INTS6L: variants seen among roughly 807,000 people sequenced by gnomAD.
The protein encoded by INTS6L is integrator complex subunit 6-like.
A neutral mutation model predicts 64.7 loss-of-function variants in INTS6L; 18 were observed. That is an observed-to-expected ratio of 0.28 (90% CI 0.19 to 0.41). The LOEUF (loss-of-function observed/expected upper bound fraction) is 0.41, where lower values mean the gene tolerates loss of function less well. INTS6L is among the 10% of genes least tolerant of loss of function. The pLI is 1.00. For synonymous variants in INTS6L, 227 were observed against 235.9 expected (o/e 0.96, Z 0.34); for missense variants, 533 against 661.0 (o/e 0.81, Z 2.12).
chrX:135,572,317 T>C (rs1186307968), intron 11 of INTS6L: 1 of 112,825 alleles, frequency 8.9e-6, no homozygotes, highest in Non-Finnish European at 1.9e-5. Context: ...TAGTCAAATA[T>C]AAGAGATAAA....
At chrX:135,549,962 T>C (rs2086457220) in intron 7 of INTS6L, among the ~76,000 whole-genome samples, 157 bp downstream of exon 7, 1 of 113,000 alleles carries the variant, frequency 8.8e-6, no homozygotes, top group Non-Finnish European at 1.9e-5. Context: ...AGTCTAGCTT[T>C]GTGCCTAAAA....
intron 7 of INTS6L, among the ~76,000 whole-genome samples, chrX:135,550,389 G>A (rs989357956): frequency 1.0e-4 from 11 of 109,015 alleles, no homozygotes; most frequent in African/African-American, 3.3e-4. Flanking sequence ...TGGTAGGAGA[G>A]GCTTTGCTAT....
At chrX:135,530,400 G>C (rs998871593) in intron 2 of INTS6L, among the ~76,000 whole-genome samples, 5 of 111,700 alleles carry the variant, frequency 4.5e-5, no homozygotes, top group Non-Finnish European at 7.5e-5. Flanking sequence ...CTAGGCTGAG[G>C]AGGCCCTATA....
chrX:135,567,517 C>A (rs1381538122), intron 9 of INTS6L, among the ~76,000 whole-genome samples: 3 of 112,211 alleles, frequency 2.7e-5, no homozygotes, highest in African/African-American at 9.7e-5. Context: ...AAAACTCTGG[C>A]AGAAAATAAT....
chrX:135,564,817 A>G (rs1344068431), intron 9 of INTS6L, among the ~76,000 whole-genome samples: 10 of 110,230 alleles, frequency 9.1e-5, no homozygotes, highest in Non-Finnish European at 1.7e-4. Flanking sequence ...ATATTTTGTT[A>G]TGAGTCTCTG....
chrX:135,572,338 T>G (rs1190261984), intron 11 of INTS6L: 1 of 112,680 alleles, frequency 8.9e-6, no homozygotes, highest in Non-Finnish European at 1.9e-5. Flanking sequence ...TAGTTTAATT[T>G]TTTCAGACCT....
intron 9 of INTS6L, among the ~76,000 whole-genome samples, chrX:135,557,493 A>G (rs1469655070): frequency 2.7e-5 from 3 of 111,715 alleles, no homozygotes; most frequent in African/African-American, 9.8e-5. Context: ...GCATTAAACC[A>G]TCACCTCATT....
At chrX:135,553,226 G>C (rs185360418) in intron 8 of INTS6L, among the ~76,000 whole-genome samples, 1 of 111,608 alleles carries the variant, frequency 9.0e-6, no homozygotes, top group Non-Finnish European at 1.9e-5. Context: ...TTCTCTTGGG[G>C]GGATGCAAGG....
At chrX:135,533,756 GTA>G (rs1450828401) in intron 2 of INTS6L, among the ~76,000 whole-genome samples, 1 of 112,131 alleles carries the variant, frequency 8.9e-6, no homozygotes, top group Non-Finnish European at 1.9e-5. Context: ...TCCTGTCCAT[GTA>G]TGTTTTTTCC....
In INTS6L at chrX:135,521,082, C is replaced by T. The variant is rs149402018; in HGVS notation, c.90C>T (p.Gly30=). The change falls in exon 1 of 18, where the codon GGC becomes GGT. Residue 30 remains glycine, a synonymous_variant. Coordinates refer to ENST00000639893, the MANE Select transcript of INTS6L (RefSeq NM_001351601.3). ...LGTSYLDIAK[G]AVELFLKLRA... is the part of the protein sequence containing the mutation. ...CCTCTTATTTGGACATTGCCAAAGG[C>T]GCTGTGGAGTTATTCTTGAAGGTAA... 10 of 1,208,841 alleles carry T rather than the reference C, an allele frequency of 8.3e-6. No homozygotes were observed. The African/African-American group carries it at 1.6e-4, about 19-fold the overall frequency.
chrX:135,576,327 CAAAAA>C (rs34207940), intron 14 of INTS6L, among the ~76,000 whole-genome samples: 1 of 69,402 alleles, frequency 1.4e-5, no homozygotes, highest in African/African-American at 5.7e-5. Context: ...GACTCCATCT[CAAAAA>C]AAAAAAAAAA....
At chrX:135,522,853 A>G (rs2085623238) in intron 2 of INTS6L, among the ~76,000 whole-genome samples, 1 of 112,685 alleles carries the variant, frequency 8.9e-6, no homozygotes, top group Non-Finnish European at 1.9e-5. Flanking sequence ...ACAAGTAGAC[A>G]TCTTTCAAAA....
intron 9 of INTS6L, among the ~76,000 whole-genome samples, chrX:135,559,088 A>G (rs975782915): frequency 9.0e-6 from 1 of 111,709 alleles, no homozygotes; most frequent in Non-Finnish European, 1.9e-5. Context: ...CAGCCTAAAC[A>G]CAATTTTTAA....
At position 135,526,475 on chromosome X, in the gene INTS6L, T is replaced by C. The variant is rs782245150; in HGVS notation, c.189+5157T>C. Among the ~76,000 whole-genome samples, 33 of 111,943 alleles carry C rather than the reference T, an allele frequency of 2.9e-4. No individual in the cohort carries two copies. The South Asian group carries it at 0.012, about 42-fold the overall frequency. ...CCAAACACACTATGCCAGTTGCTTC[T>C]GTGCCATTGTAAATGTTATTCCCTC... is the stretch of plus-strand genomic sequence containing the variant. On this transcript the variant is annotated intron_variant, in intron 2 of 17. Coordinates refer to ENST00000639893, the MANE Select transcript of INTS6L (RefSeq NM_001351601.3).
At chrX:135,522,620 T>C (rs1225538850) in intron 2 of INTS6L, among the ~76,000 whole-genome samples, 1 of 111,923 alleles carries the variant, frequency 8.9e-6, no homozygotes, top group Non-Finnish European at 1.9e-5. Flanking sequence ...AGTCTGGATG[T>C]GTTGTGATCC....
Position 135,577,326 on chromosome X carries a change from C to T in INTS6L, c.2018C>T (p.Thr673Ile), listed in dbSNP as rs782705900. ...SMSLLLRKPQ[T>I]PPTVTNHVGG... ...TCCCTGCTGTTGAGGAAACCACAAA[C>T]ACCACCTACTGTAACTAACCATGTG... Residue 673 changes from threonine to isoleucine, a missense_variant, in exon 15 of 18, where the codon ACA becomes ATA. Physicochemically the swap from Thr to Ile is moderately conservative, Grantham distance 89. Coordinates refer to ENST00000639893, the MANE Select transcript of INTS6L (RefSeq NM_001351601.3). The T allele has an allele frequency of 1.7e-6, 2 of 1,209,771 alleles. No homozygotes were observed. The highest frequency in any genetic ancestry group is 2.2e-6 in the Non-Finnish European group (2 of 895,256).
intron 2 of INTS6L, among the ~76,000 whole-genome samples, chrX:135,533,302 A>C (rs1052792917): frequency 4.5e-5 from 5 of 111,861 alleles, no homozygotes; most frequent in Non-Finnish European, 9.4e-5. Context: ...GAACAGACAG[A>C]CTAACTTTGT....
At chrX:135,543,064 A>G (rs1556513440) in intron 2 of INTS6L, among the ~76,000 whole-genome samples, 1 of 111,299 alleles carries the variant, frequency 9.0e-6, no homozygotes, top group African/African-American at 3.3e-5. Flanking sequence ...TCAGCCTTTC[A>G]TCACTTTTCT....
intron 9 of INTS6L, among the ~76,000 whole-genome samples, chrX:135,558,327 A>G (rs2086693763): frequency 8.9e-6 from 1 of 111,975 alleles, no homozygotes; most frequent in Non-Finnish European, 1.9e-5. Context: ...CGAATCCAGA[A>G]TCTTGAAGAT....
Sources: allele counts gnomAD v4.1 joint callset (sites outside exome capture counted in the v4.1 genomes callset), GRCh38; gene constraint gnomAD v4.1.1; transcripts MANE v1.5; gene names NCBI Gene and HGNC (gene_info 2026-07-23, HGNC 2026-07-21).